CNOT7: variants seen among roughly 807,000 people sequenced by gnomAD.
CNOT7 encodes BTG1-binding factor 1.
A neutral mutation model predicts 37.1 loss-of-function variants in CNOT7; 4 were observed. The ratio of observed to expected loss-of-function variants is 0.11; its 90% confidence interval spans 0.05 to 0.25. The LOEUF is 0.25. CNOT7 is among the 10% of genes least tolerant of loss of function. CNOT7 has a pLI of 1.00. For missense variants in CNOT7, 170 were observed against 336.2 expected, an observed-to-expected ratio of 0.51 and a Z score of 3.87; for synonymous variants, 128 against 115.6, an observed-to-expected ratio of 1.11 and a Z score of -0.69.
In CNOT7 at chr8:17,228,139, CCCAA is replaced by C. The variant is rs769417689; in HGVS notation, c.*2577_*2580del. ...AGGAAATAATCTTTTGATTATTTTTCCCAACCATTTAAAAGCCATTTTCAGTTCA... is the reference window on the plus strand; with the variant it reads ...AGGAAATAATCTTTTGATTATTTTTCCCATTTAAAAGCCATTTTCAGTTCA... On this transcript the variant is annotated 3_prime_UTR_variant, in exon 7 of 7. Coordinates refer to ENST00000361272, the MANE Select transcript of CNOT7 (RefSeq NM_013354.7). 1.3e-5 allele frequency: 2 copies of C among 151,834 alleles called. No individual in the cohort carries two copies. Among genetic ancestry groups the C allele is most frequent in the Non-Finnish European group, 2.9e-5 (2 of 67,804 alleles). The allele number at this position is 151,834 out of a possible 1,614,324, so 9.4% of individuals were successfully genotyped here.
rs1427793984 is a variant in CNOT7 at position 17,231,820 on chromosome 8, G to GT, written c.729+606dup. 5.1e-6 allele frequency: 5 copies of GT among 985,466 alleles called. No homozygotes were observed. In the Admixed American group the frequency reaches 3.1e-4, roughly 61 times the overall value. 61.0% of individuals were successfully genotyped at this position (985,466 alleles called of 1,614,324 possible). A position where few individuals can be genotyped will look rare whatever the true frequency, so the allele number is the denominator to read the frequency against. ...AAGGAACTGATCTCTGCCTTTTGCC[G>GT]TTTAAGGAGGGTTTTCCTAATATGG... is the stretch of plus-strand genomic sequence containing the variant. On this transcript the variant is annotated intron_variant, in intron 6 of 6. Transcript: ENST00000361272.
intron 3 of CNOT7, 62 bp downstream of exon 3, chr8:17,242,930 C>T: frequency 8.6e-7 from 1 of 1,163,042 alleles, no homozygotes; most frequent in South Asian, 1.6e-5. Context: ...TGAGGAAAAT[C>T]AATTCCTAAG....
intron 6 of CNOT7, chr8:17,231,625 A>T: frequency 1.0e-6 from 1 of 985,360 alleles, no homozygotes; most frequent in Non-Finnish European, 1.2e-6. Flanking sequence ...TCCACAGCGA[A>T]TTTTTCCAAA....
At chr8:17,242,260 G>C (rs528312739) in intron 3 of CNOT7, 2 of 152,288 alleles carry the variant, frequency 1.3e-5, no homozygotes, top group East Asian at 3.9e-4. Context: ...TGTCATTTGA[G>C]GTCCTGCTGT....
intron 2 of CNOT7, 99 bp downstream of exon 2, chr8:17,244,937 A>C (rs1810694556): frequency 1.0e-6 from 1 of 971,138 alleles, no homozygotes; most frequent in Non-Finnish European, 1.5e-6. Context: ...GGTGAAATTA[A>C]TCCCTAAAAA....
In CNOT7 at chr8:17,225,776, T is replaced by C. The variant is rs909350933; in HGVS notation, c.*4944A>G. On this transcript the variant is annotated 3_prime_UTR_variant, in exon 7 of 7. Transcript: ENST00000361272. Reference sequence around the variant, plus strand: ...AACTCTCATATAAATTACACCAACATAGCAAATGGCATGTGTGAACTGGCC... The same window carrying C: ...AACTCTCATATAAATTACACCAACACAGCAAATGGCATGTGTGAACTGGCC... 2.0e-5 allele frequency: 3 copies of C among 151,698 alleles called. No homozygotes were observed. Among genetic ancestry groups the C allele is most frequent in the Non-Finnish European group, 4.4e-5 (3 of 67,718 alleles). 9.4% of individuals were successfully genotyped at this position (151,698 alleles called of 1,614,324 possible). A position where few individuals can be genotyped will look rare whatever the true frequency, so the allele number is the denominator to read the frequency against.
chr8:17,245,964 A>C (rs935621785), intron 1 of CNOT7: 2 of 151,518 alleles, frequency 1.3e-5, no homozygotes, highest in African/African-American at 2.4e-5. Flanking sequence ...AAAAAAAAAA[A>C]ACAAGAGTAA....
At position 17,228,848 on chromosome 8, in the gene CNOT7, C is replaced by G. The variant is rs1387200103; in HGVS notation, c.*1872G>C. On this transcript the variant is annotated 3_prime_UTR_variant, in exon 7 of 7. Coordinates refer to ENST00000361272, the MANE Select transcript of CNOT7 (RefSeq NM_013354.7). ...ATTAGTTTTCTCAGCTAACAAATCA[C>G]AAGCGAAAAGAAGCTTCACTTCCTT... 6.6e-6 allele frequency: 1 copy of G among 151,956 alleles called. No homozygotes were observed. The highest frequency in any genetic ancestry group is 2.4e-5 in the African/African-American group (1 of 41,418). 9.4% of individuals were successfully genotyped at this position (151,956 alleles called of 1,614,324 possible).
chr8:17,232,149 C>A (rs777171192), intron 6 of CNOT7: 26 of 1,124,062 alleles, frequency 2.3e-5, no homozygotes, highest in African/African-American at 3.3e-5. Flanking sequence ...TGTTTTCTCA[C>A]CTGAGAAATA....
At chr8:17,233,755 T>A (rs368630604) in intron 5 of CNOT7, among the ~76,000 whole-genome samples, 29 of 152,162 alleles carry the variant, frequency 1.9e-4, no homozygotes, top group East Asian at 9.6e-4. Context: ...CATAAAATAA[T>A]CTTTCTTGAA....
rs368167512 is a variant in CNOT7, at chr8:17,238,918, T to C, written c.312-1545A>G. Among the ~76,000 whole-genome samples, 25 of 152,370 alleles carry C rather than the reference T, an allele frequency of 1.6e-4. No homozygotes were observed. The East Asian group carries it at 3.1e-3, about 19-fold the overall frequency. On this transcript the variant is annotated intron_variant, in intron 3 of 6. Coordinates refer to ENST00000361272, the MANE Select transcript of CNOT7 (RefSeq NM_013354.7). Reference sequence around the variant, plus strand: ...CCAAAGCTAATTGCTACCAATGCCTTAGACGCTATTCCATGCCATTCCTCA... The same window carrying C: ...CCAAAGCTAATTGCTACCAATGCCTCAGACGCTATTCCATGCCATTCCTCA...
rs916205271 is a variant in CNOT7, at chr8:17,227,462, CTGA to C, written c.*3255_*3257del. 2 of 151,824 alleles carry C rather than the reference CTGA, an allele frequency of 1.3e-5. No homozygotes were observed. The highest frequency in any genetic ancestry group is 2.9e-5 in the Non-Finnish European group (2 of 67,802). 9.4% of individuals were successfully genotyped at this position (151,824 alleles called of 1,614,324 possible). A position where few individuals can be genotyped will look rare whatever the true frequency, so the allele number is the denominator to read the frequency against. On this transcript the variant is annotated 3_prime_UTR_variant, in exon 7 of 7. Transcript: ENST00000361272. The stretch of plus-strand genomic sequence containing the variant: ...TCAAACTACTGTTCTCATCAAAGGG[CTGA>C]TGTCTTAATTTTCTCTGGACACATG...
intron 2 of CNOT7, 131 bp from the exon 3 acceptor site, chr8:17,243,316 T>A: frequency 1.4e-6 from 1 of 705,772 alleles, no homozygotes; most frequent in Non-Finnish European, 2.4e-6. Flanking sequence ...TTACAAAGTA[T>A]ATTTTAACTA....
chr8:17,240,637 CCTT>C (rs1194626271), intron 3 of CNOT7, among the ~76,000 whole-genome samples: 1 of 152,140 alleles, frequency 6.6e-6, no homozygotes, highest in African/African-American at 2.4e-5. Context: ...TGGGTTACCT[CCTT>C]CTCACGTACT....
chr8:17,238,248 G>T (rs1486613322), intron 3 of CNOT7, among the ~76,000 whole-genome samples: 1 of 152,114 alleles, frequency 6.6e-6, no homozygotes, highest in Non-Finnish European at 1.5e-5. Context: ...TAAATTGTAA[G>T]AATACTGGTT....
At position 17,230,050 on chromosome 8, in the gene CNOT7, T is replaced by C. The variant is rs1808431130; in HGVS notation, c.*670A>G. On this transcript the variant is annotated 3_prime_UTR_variant, in exon 7 of 7. Transcript: ENST00000361272. ...CAGCCTACACATGCCAATTAGAAAC[T>C]GACAGACACTAGATGTGCTTGGAAG... 1 of 152,366 alleles carries C rather than the reference T, an allele frequency of 6.6e-6. No homozygotes were observed. Among genetic ancestry groups the C allele is most frequent in the South Asian group, 2.1e-4 (1 of 4,824 alleles). The allele number at this position is 152,366 out of a possible 1,614,324, so 9.4% of individuals were successfully genotyped here.
rs1808760725 is a variant in CNOT7 at position 17,232,437 on chromosome 8, T to G, written c.719A>C (p.Lys240Thr). Reference protein sequence around the residue: ...DSLLTGMAFFKMREMFFEDHI... With the variant: ...DSLLTGMAFFTMREMFFEDHI... Reference sequence around the variant, plus strand: ...GTGATGTCTTCATACTTCTCTCATTTTGAAAAAGGCCATTCCTGTGAGCAA... The same window carrying G: ...GTGATGTCTTCATACTTCTCTCATTGTGAAAAAGGCCATTCCTGTGAGCAA... The change falls in exon 6 of 7, where the codon AAA becomes ACA. Residue 240 changes from lysine (K) to threonine (T), a missense_variant. By Grantham distance (78) the Lys-to-Thr change is moderately conservative. This residue lies in a region of CNOT7 where 1 missense variants were observed against 29.4 expected (regional missense o/e 0.03). Transcript: ENST00000361272. 1 of 1,613,942 alleles carries G rather than the reference T, an allele frequency of 6.2e-7. No homozygotes were observed. The highest frequency in any genetic ancestry group is 8.5e-7 in the Non-Finnish European group (1 of 1,179,974).
intron 5 of CNOT7, among the ~76,000 whole-genome samples, chr8:17,233,996 G>C (rs971697151): frequency 6.6e-6 from 1 of 152,190 alleles, no homozygotes; most frequent in African/African-American, 2.4e-5. Flanking sequence ...GGAGGTTGCA[G>C]TGAGCCGAGA....
chr8:17,244,424 G>C (rs1810611228), intron 2 of CNOT7: 1 of 152,218 alleles, frequency 6.6e-6, no homozygotes, highest in Non-Finnish European at 1.5e-5. Flanking sequence ...GGTACTACCA[G>C]CTAGGCTTTG....
Sources: gnomAD v4.1 joint callset for allele counts (sites outside exome capture counted in the v4.1 genomes callset) on GRCh38, gnomAD v4.1.1 for gene constraint, gnomAD v4.1.1 regional missense constraint, MANE v1.5 for transcripts, NCBI Gene and HGNC (gene_info 2026-07-23, HGNC 2026-07-21) for gene names.